TRPM3: variants seen among roughly 807,000 people sequenced by gnomAD.
The protein encoded by TRPM3 is long transient receptor potential channel 3.
In TRPM3, 77 loss-of-function variants were observed where a neutral mutation model predicts 181.2. The ratio of observed to expected loss-of-function variants is 0.42; its 90% CI spans 0.35 to 0.51. The LOEUF is 0.51. TRPM3 is among the 20% of genes least tolerant of loss of function. The pLI is 0.01. For synonymous variants in TRPM3, 745 were observed against 796.4 expected (o/e 0.94, Z 1.09); for missense variants, 1,759 against 2,196.7 (o/e 0.80, Z 3.98).
At chr9:71,086,324 T>C (rs1722621555) in intron 1 of TRPM3, among the ~76,000 whole-genome samples, 1 of 151,754 alleles carries the variant, frequency 6.6e-6, no homozygotes, top group Admixed American at 6.6e-5. Flanking sequence ...TAGGAAAAAC[T>C]AAACCTAAAA....
Position 71,277,957 on chromosome 9 carries a change from C to T in TRPM3, c.183+168696G>A, listed in dbSNP as rs529074001. Among the ~76,000 whole-genome samples, 16 of 152,192 alleles carry T rather than the reference C, an allele frequency of 1.1e-4. No individual in the cohort carries two copies. In the South Asian group the frequency reaches 2.1e-3, roughly 20 times the overall value. ...AGAAAAATGAAATACAAAGGAAAGGCGACTAATTATAAAGAGAGTGGGACA... is the reference window on the plus strand; with the variant it reads ...AGAAAAATGAAATACAAAGGAAAGGTGACTAATTATAAAGAGAGTGGGACA... On this transcript the variant is annotated intron_variant, in intron 1 of 24. Coordinates refer to the TRPM3 transcript ENST00000357533.
rs78806561 is a variant in TRPM3, at chr9:70,895,352, G to C, written c.178-30841C>G. Among the ~76,000 whole-genome samples the C allele has an allele frequency of 3.8e-3, 582 of 152,296 alleles. 8 individuals carry two copies. Among genetic ancestry groups the C allele is most frequent in the African/African-American group, 0.013 (540 of 41,570 alleles). On this transcript the variant is annotated intron_variant, in intron 1 of 25. Transcript: ENST00000677713. ...ATTCTGAATAGGCACATCTCTGGAA[G>C]ATAGCTTACACTTTGCTGAAATCTA...
chr9:71,011,152 C>G (rs1241244393), intron 1 of TRPM3, among the ~76,000 whole-genome samples: 3 of 151,974 alleles, frequency 2.0e-5, no homozygotes, highest in Non-Finnish European at 4.4e-5. Flanking sequence ...TTACCAGAGG[C>G]TGGGGAGAGT....
At chr9:71,037,788 T>C (rs1206538352) in intron 1 of TRPM3, among the ~76,000 whole-genome samples, 2 of 152,222 alleles carry the variant, frequency 1.3e-5, no homozygotes, top group East Asian at 1.9e-4. Flanking sequence ...ATAATACCTG[T>C]CCATCTGCCA....
chr9:71,392,509 G>GT (rs777024502), intron 1 of TRPM3, among the ~76,000 whole-genome samples: 2 of 152,006 alleles, frequency 1.3e-5, no homozygotes, highest in East Asian at 1.9e-4. Flanking sequence ...CTGGGTATTG[G>GT]TTTTTTTCAG....
chr9:70,949,260 G>A (rs919760325), intron 1 of TRPM3, among the ~76,000 whole-genome samples: 3 of 151,970 alleles, frequency 2.0e-5, no homozygotes, highest in African/African-American at 7.3e-5. Context: ...GTCTCACTAT[G>A]TTGCCCAGGC....
chr9:70,597,297 C>G (rs1032645583), intron 21 of TRPM3, among the ~76,000 whole-genome samples: 1 of 152,122 alleles, frequency 6.6e-6, no homozygotes, highest in Non-Finnish European at 1.5e-5. Context: ...GTCTCAGACT[C>G]CTGGGCTCAA....
intron 1 of TRPM3, among the ~76,000 whole-genome samples, chr9:71,231,010 T>C (rs1342607527): frequency 2.0e-5 from 3 of 152,188 alleles, no homozygotes; most frequent in Non-Finnish European, 2.9e-5. Context: ...CAGTTTTTCC[T>C]AGCTAAATAA....
In TRPM3 at chr9:70,737,813, G is replaced by A. The variant is rs2073074327; in HGVS notation, c.1272+23788C>T. ...TAACGTTAAAAGGACTAGTCCAATA[G>A]GAAAATATCACAATTCTAAATATAT... is the stretch of plus-strand genomic sequence containing the variant. On this transcript the variant is annotated intron_variant, in intron 8 of 25. Coordinates refer to ENST00000677713, the MANE Select transcript of TRPM3 (RefSeq NM_001366145.2). Among the ~76,000 whole-genome samples, 2 of 152,128 alleles carry A rather than the reference G, an allele frequency of 1.3e-5. 1 individual carries two copies. The highest frequency in any genetic ancestry group is 4.8e-5 in the African/African-American group (2 of 41,434).
chr9:71,430,848 T>C (rs966496906), intron 1 of TRPM3, among the ~76,000 whole-genome samples: 1 of 152,144 alleles, frequency 6.6e-6, no homozygotes, highest in Non-Finnish European at 1.5e-5. Context: ...GTATTTTTGA[T>C]TAAATGATTT....
At chr9:71,194,473 T>C (rs1565325952) in intron 1 of TRPM3, among the ~76,000 whole-genome samples, 1 of 151,910 alleles carries the variant, frequency 6.6e-6, no homozygotes, top group African/African-American at 2.4e-5. Flanking sequence ...AGTTGGTCCA[T>C]GAAAGCTCCC....
At chr9:70,833,756 G>A (rs2094115918) in intron 5 of TRPM3, among the ~76,000 whole-genome samples, 1 of 152,158 alleles carries the variant, frequency 6.6e-6, no homozygotes, top group African/African-American at 2.4e-5. Flanking sequence ...TCTAATAGCT[G>A]ATCAGGTTAT....
At chr9:71,203,782 A>G (rs1202689308) in intron 1 of TRPM3, among the ~76,000 whole-genome samples, 2 of 152,138 alleles carry the variant, frequency 1.3e-5, no homozygotes, top group Non-Finnish European at 2.9e-5. Flanking sequence ...GGCTGTCATC[A>G]TTCTTCCTCC....
chr9:71,072,149 C>T (rs1250193183), intron 1 of TRPM3, among the ~76,000 whole-genome samples: 1 of 152,156 alleles, frequency 6.6e-6, no homozygotes, highest in Non-Finnish European at 1.5e-5. Context: ...AAAGCCCAAA[C>T]ATTTCAGATC....
At chr9:70,639,264 T>C in intron 10 of TRPM3, 70 bp from the exon 11 acceptor site, 2 of 1,556,496 alleles carry the variant, frequency 1.3e-6, no homozygotes, top group Non-Finnish European at 1.7e-6. Flanking sequence ...AGTGTTCACT[T>C]GAACAGCTTA....
At chr9:71,313,454 TTAAGA>T (rs1305428316) in intron 1 of TRPM3, among the ~76,000 whole-genome samples, 5 of 152,188 alleles carry the variant, frequency 3.3e-5, no homozygotes, top group Admixed American at 3.3e-4. Context: ...AGCAAATGCA[TTAAGA>T]TGTCATTTAT....
intron 1 of TRPM3, among the ~76,000 whole-genome samples, chr9:71,353,110 T>C (rs2091732490): frequency 6.6e-6 from 1 of 152,110 alleles, no homozygotes; most frequent in Non-Finnish European, 1.5e-5. Context: ...CTCTCTCTGC[T>C]TGAAATAACC....
At chr9:71,225,483 A>AAGTAGTTCAATC (rs1195301412) in intron 1 of TRPM3, among the ~76,000 whole-genome samples, 2 of 152,162 alleles carry the variant, frequency 1.3e-5, no homozygotes, top group Non-Finnish European at 2.9e-5. Flanking sequence ...ATACTAAAGA[A>AAGTAGTTCAATC]AGTAGTTCAA....
At chr9:71,377,508 C>T (rs1285950975) in intron 1 of TRPM3, among the ~76,000 whole-genome samples, 2 of 152,032 alleles carry the variant, frequency 1.3e-5, no homozygotes, top group Admixed American at 6.6e-5. Context: ...ACCAACTTAC[C>T]ATGAGACAGT....
Sources: gnomAD v4.1 joint callset for allele counts (sites outside exome capture counted in the v4.1 genomes callset) on GRCh38, gnomAD v4.1.1 for gene constraint, MANE v1.5 for transcripts, NCBI Gene and HGNC (gene_info 2026-07-23, HGNC 2026-07-21) for gene names.